ROCK1: variants seen among roughly 807,000 people sequenced by gnomAD.
ROCK1 encodes the protein rho-associated protein kinase 1.
In ROCK1, 36 loss-of-function variants were observed where a neutral mutation model predicts 196.8. That is an observed-to-expected ratio of 0.18 (90% confidence interval 0.14 to 0.24). The LOEUF is 0.24. ROCK1 is among the 10% of genes least tolerant of loss of function. The pLI is 1.00. For missense variants in ROCK1, 920 were observed against 1,562.0 expected, an observed-to-expected ratio of 0.59 and a Z score of 6.93; for synonymous variants, 443 against 515.9, an observed-to-expected ratio of 0.86 and a Z score of 1.91.
intron 25 of ROCK1, among the ~76,000 whole-genome samples, chr18:20,968,252 T>C (rs1185078505): frequency 6.6e-6 from 1 of 152,130 alleles, no homozygotes; most frequent in East Asian, 1.9e-4. Context: ...CATACTCTTA[T>C]CTTCTACAAC....
intron 2 of ROCK1, among the ~76,000 whole-genome samples, chr18:21,058,476 C>T (rs2036262650): frequency 6.6e-6 from 1 of 152,050 alleles, no homozygotes; most frequent in Non-Finnish European, 1.5e-5. Flanking sequence ...TGCTACTCTG[C>T]CTAAAAAAGC....
chr18:21,072,705 T>C (rs902196082), intron 1 of ROCK1, among the ~76,000 whole-genome samples: 9 of 152,194 alleles, frequency 5.9e-5, no homozygotes, highest in Admixed American at 5.2e-4. Flanking sequence ...CTTAATTTTA[T>C]GATTTAGGCA....
Position 20,986,974 on chromosome 18 carries a change from T to A in ROCK1, c.2280A>T (p.Gly760=), listed in dbSNP as rs147314132. The A allele has an allele frequency of 3.5e-4, 562 of 1,597,056 alleles. 2 individuals carry two copies. In the African/African-American group the frequency reaches 6.6e-3, roughly 19 times the overall value. Residue 760 remains glycine, a synonymous_variant, in exon 19 of 33, where the codon GGA becomes GGT. Transcript: ENST00000399799. Reference sequence around the variant, plus strand: ...CTTCATCCTCCATCCTTTCTTTATTTCCAGTCAAATGTTCTAGTTTCTGCT... The same window carrying A: ...CTTCATCCTCCATCCTTTCTTTATTACCAGTCAAATGTTCTAGTTTCTGCT... The part of the protein sequence containing the change: ...QSQQKLEHLT[G]NKERMEDEVK...
At chr18:21,102,885 C>A (rs1353513533) in intron 1 of ROCK1, among the ~76,000 whole-genome samples, 1 of 151,696 alleles carries the variant, frequency 6.6e-6, no homozygotes, top group East Asian at 1.9e-4. Context: ...AAAAGTAGTT[C>A]AAGACAACAA....
chr18:21,108,285 G>A (rs187517159), intron 1 of ROCK1, among the ~76,000 whole-genome samples: 2 of 152,246 alleles, frequency 1.3e-5, no homozygotes, highest in African/African-American at 4.8e-5. Context: ...AACTCTGGAG[G>A]CCTTGATGGC....
intron 27 of ROCK1, among the ~76,000 whole-genome samples, chr18:20,963,963 A>G (rs1420762447): frequency 6.6e-6 from 1 of 152,160 alleles, no homozygotes; most frequent in Non-Finnish European, 1.5e-5. Context: ...TGGGAATTTT[A>G]GAAGGGAGAT....
At chr18:21,107,819 CAA>C (rs2036716047) in intron 1 of ROCK1, among the ~76,000 whole-genome samples, 1 of 152,142 alleles carries the variant, frequency 6.6e-6, no homozygotes, top group South Asian at 2.1e-4. Context: ...TTCGGGAGGC[CAA>C]GGCAGGCGGA....
At chr18:21,015,853 G>A (rs555870698) in intron 12 of ROCK1, among the ~76,000 whole-genome samples, 3 of 151,404 alleles carry the variant, frequency 2.0e-5, no homozygotes, top group East Asian at 1.9e-4. Flanking sequence ...GGTGGCGGGC[G>A]CCTGTAATCC....
At chr18:21,093,491 C>A (rs981524283) in intron 1 of ROCK1, among the ~76,000 whole-genome samples, 3 of 152,136 alleles carry the variant, frequency 2.0e-5, no homozygotes, top group African/African-American at 7.2e-5. Context: ...ATTGAGAAAA[C>A]TGCACTTTAG....
At position 21,006,776 on chromosome 18, in the gene ROCK1, C is replaced by T; in HGVS notation, c.1561G>A (p.Asp521Asn). The T allele has an allele frequency of 6.3e-7, 1 of 1,586,222 alleles. No individual in the cohort carries two copies. Among genetic ancestry groups the T allele is most frequent in the Non-Finnish European group, 8.6e-7 (1 of 1,166,540 alleles). The change falls in exon 15 of 33, where the codon GAT becomes AAT. Residue 521 changes from aspartate (D) to asparagine (N), a missense_variant. Physicochemically the swap from Asp to Asn is conservative, Grantham distance 23 (BLOSUM62 1). Coordinates refer to ENST00000399799, the MANE Select transcript of ROCK1 (RefSeq NM_005406.3). ...ACTTTCTTTAAGTCTTCCAACTGAT[C>T]CTTTAATGTAGAAACTAGAAAATGA... is the stretch of plus-strand genomic sequence containing the variant. ...NVENEVSTLK[D>N]QLEDLKKVSQ...
chr18:21,108,433 C>T (rs1477112081), intron 1 of ROCK1, among the ~76,000 whole-genome samples: 1 of 152,166 alleles, frequency 6.6e-6, no homozygotes, highest in East Asian at 1.9e-4. Context: ...TAATTATGAG[C>T]TCAGTTCTGT....
chr18:20,992,497 T>C (rs2035635070), intron 17 of ROCK1, among the ~76,000 whole-genome samples: 1 of 152,220 alleles, frequency 6.6e-6, no homozygotes, highest in Non-Finnish European at 1.5e-5. Context: ...GTTTTCCTTC[T>C]TCATAAGCCC....
intron 2 of ROCK1, among the ~76,000 whole-genome samples, chr18:21,064,183 C>T (rs1486774421): frequency 6.6e-6 from 1 of 152,098 alleles, no homozygotes. Flanking sequence ...TCCGTCCTCC[C>T]GACCCTTTCT....
At chr18:21,053,685 A>C (rs894684703) in intron 2 of ROCK1, among the ~76,000 whole-genome samples, 67 of 152,262 alleles carry the variant, frequency 4.4e-4, no homozygotes, top group Admixed American at 3.1e-3. Flanking sequence ...AAATTTAAAA[A>C]TTAGCCAGGC....
intron 1 of ROCK1, among the ~76,000 whole-genome samples, chr18:21,095,033 A>G (rs2036601504): frequency 1.3e-5 from 2 of 148,526 alleles, no homozygotes; most frequent in Admixed American, 6.7e-5. Flanking sequence ...CTGGGCAACA[A>G]GAGGGAAACT....
intron 1 of ROCK1, among the ~76,000 whole-genome samples, chr18:21,102,872 A>C (rs942720892): frequency 1.3e-5 from 2 of 152,112 alleles, no homozygotes; most frequent in African/African-American, 4.8e-5. Context: ...TCTCAAAAAA[A>C]AAAAAAGTAG....
At chr18:20,951,638 G>A (rs1402285965) in intron 32 of ROCK1, among the ~76,000 whole-genome samples, 2 of 152,102 alleles carry the variant, frequency 1.3e-5, no homozygotes, top group East Asian at 1.9e-4. Flanking sequence ...CTATGCTCAG[G>A]AGAAGGCTGA....
Position 20,969,224 on chromosome 18 carries a change from A to G in ROCK1, c.2821-16T>C. 1 of 1,528,748 alleles carries G rather than the reference A, an allele frequency of 6.5e-7. No homozygotes were observed. The highest frequency in any genetic ancestry group is 1.4e-5 in the African/African-American group (1 of 73,464). The allele number at this position is 1,528,748 out of a possible 1,614,324, so 94.7% of individuals were successfully genotyped here. The stretch of plus-strand genomic sequence containing the variant: ...CTTCTTCAAGCTAAACAAAGCACAC[A>G]AAAGTTTAAGCTCCAGCCTCTTTGC... On this transcript the variant is annotated splice_polypyrimidine_tract_variant and intron_variant, in intron 23 of 32. Coordinates refer to ENST00000399799, the MANE Select transcript of ROCK1 (RefSeq NM_005406.3).
intron 8 of ROCK1, among the ~76,000 whole-genome samples, chr18:21,041,270 TAAAAAAAAAAAAA>T (rs780115669): frequency 9.5e-6 from 1 of 105,178 alleles, no homozygotes; most frequent in East Asian, 2.6e-4. Flanking sequence ...TGTCTCTATT[TAAAAAAAAAAAAA>T]AAAAAAAAAA....
Sources: allele counts gnomAD v4.1 joint callset (sites outside exome capture counted in the v4.1 genomes callset), GRCh38; gene constraint gnomAD v4.1.1; transcripts MANE v1.5; gene names NCBI Gene and HGNC (gene_info 2026-07-23, HGNC 2026-07-21).